The following PARM1 variants were observed in gnomAD, a reference collection of about 807,000 sequenced individuals.
The protein encoded by PARM1 is WSC4, cell wall integrity and stress response component 4 homolog.
In PARM1, 14 loss-of-function variants were observed where a neutral mutation model predicts 24.6. That is an observed-to-expected ratio of 0.57 (90% CI 0.38 to 0.89). The LOEUF (loss-of-function observed/expected upper bound fraction) is 0.89, where lower values mean the gene tolerates loss of function less well. PARM1 is among the 40% of genes least tolerant of loss of function. The pLI, the probability that PARM1 is intolerant of heterozygous loss-of-function variation, is 0.00. For missense variants in PARM1, 362 were observed against 380.4 expected (o/e 0.95, Z 0.40); for synonymous variants, 179 against 156.6 (o/e 1.14, Z -1.07).
intron 2 of PARM1, among the ~76,000 whole-genome samples, chr4:75,019,161 G>T (rs1723042049): frequency 6.6e-6 from 1 of 152,122 alleles, no homozygotes; most frequent in South Asian, 2.1e-4. Context: ...TGTTAAATTT[G>T]GGTCATTTTG....
chr4:74,941,048 A>G (rs1025577046), intron 1 of PARM1, among the ~76,000 whole-genome samples: 5 of 152,316 alleles, frequency 3.3e-5, no homozygotes, highest in African/African-American at 1.2e-4. Flanking sequence ...GAGGCAAGTT[A>G]TTGGTAGATC....
At chr4:75,025,251 A>G (rs1723160997) in intron 2 of PARM1, among the ~76,000 whole-genome samples, 1 of 151,744 alleles carries the variant, frequency 6.6e-6, no homozygotes, top group African/African-American at 2.4e-5. Flanking sequence ...TTTCTGGCAC[A>G]CTCCTTTTGA....
intron 2 of PARM1, among the ~76,000 whole-genome samples, chr4:75,019,013 G>C (rs1352920758): frequency 1.3e-5 from 2 of 152,250 alleles, no homozygotes; most frequent in African/African-American, 4.8e-5. Context: ...TGGGTCCCAG[G>C]GGTAGAGCTG....
chr4:74,982,313 A>C (rs1722273154), intron 1 of PARM1, among the ~76,000 whole-genome samples: 1 of 152,162 alleles, frequency 6.6e-6, no homozygotes, highest in African/African-American at 2.4e-5. Flanking sequence ...GTGAAAGAGG[A>C]GGGAGAGCAT....
chr4:75,021,855 A>T (rs1723094563), intron 2 of PARM1, among the ~76,000 whole-genome samples: 1 of 151,998 alleles, frequency 6.6e-6, no homozygotes, highest in Non-Finnish European at 1.5e-5. Flanking sequence ...TATCTAATCC[A>T]CCATTGGTGG....
chr4:74,949,801 A>G (rs564786095), intron 1 of PARM1, among the ~76,000 whole-genome samples: 1 of 152,074 alleles, frequency 6.6e-6, no homozygotes, highest in Non-Finnish European at 1.5e-5. Context: ...GGTGGCATCA[A>G]ATAGAGGCAC....
At chr4:74,974,692 T>A (rs1384182485) in intron 1 of PARM1, among the ~76,000 whole-genome samples, 3 of 152,182 alleles carry the variant, frequency 2.0e-5, no homozygotes, top group Admixed American at 2.0e-4. Context: ...TGAACTGAAT[T>A]GTATTCCCTT....
At chr4:74,944,957 T>G (rs2109982134) in intron 1 of PARM1, among the ~76,000 whole-genome samples, 1 of 152,310 alleles carries the variant, frequency 6.6e-6, no homozygotes, top group South Asian at 2.1e-4. Context: ...AGGACTGTTT[T>G]TAATAAAAAT....
chr4:75,042,889 G>C (rs1478018683), intron 3 of PARM1, among the ~76,000 whole-genome samples: 2 of 148,472 alleles, frequency 1.3e-5, no homozygotes, highest in Non-Finnish European at 1.5e-5. Flanking sequence ...CATATCTCTT[G>C]TATATCTTTC....
intron 1 of PARM1, among the ~76,000 whole-genome samples, chr4:74,947,645 A>G (rs1452764272): frequency 6.6e-6 from 1 of 152,198 alleles, no homozygotes; most frequent in African/African-American, 2.4e-5. Context: ...ATACTATTTT[A>G]TTTATAGAAG....
chr4:74,978,152 A>G (rs1421938945), intron 1 of PARM1, among the ~76,000 whole-genome samples: 2 of 152,224 alleles, frequency 1.3e-5, no homozygotes, highest in Non-Finnish European at 2.9e-5. Flanking sequence ...AAATGCCCCC[A>G]ATTAAAAGAC....
intron 1 of PARM1, among the ~76,000 whole-genome samples, chr4:75,009,303 T>C (rs1459528247): frequency 2.0e-5 from 3 of 152,232 alleles, no homozygotes; most frequent in Admixed American, 6.5e-5. Context: ...CGGCCTTCCA[T>C]CAGCTCCTGA....
rs75470779 is a variant in PARM1, at chr4:74,960,110, G to A, written c.43+26740G>A. Among the ~76,000 whole-genome samples the A allele has an allele frequency of 8.3e-4, 126 of 152,298 alleles. 1 individual carries two copies. The highest frequency in any genetic ancestry group is 2.6e-3 in the African/African-American group (108 of 41,550). ...GCAGTTTGTAGGAGCCAGGGTGAGC[G>A]AAAAGAATCCTACAAAAACTGGAGA... On this transcript the variant is annotated intron_variant, in intron 1 of 3. Transcript: ENST00000307428.
Position 75,013,149 on chromosome 4 carries a change from A to G in PARM1, c.768A>G (p.Ser256=). The G allele has an allele frequency of 6.2e-7, 1 of 1,610,142 alleles. No homozygotes were observed. Among genetic ancestry groups the G allele is most frequent in the Non-Finnish European group, 8.5e-7 (1 of 1,178,116 alleles). ...AGGAAGTAGAACATGCATTAAGTTCAGGTGAGTCTCTATCCAGTCCACTAG... is the reference window on the plus strand; with the variant it reads ...AGGAAGTAGAACATGCATTAAGTTCGGGTGAGTCTCTATCCAGTCCACTAG... The part of the protein sequence containing the change: ...IMQEVEHALS[S]GSIAAITVTV... Residue 256 remains serine, a splice_region_variant and synonymous_variant, in exon 2 of 4, where the codon TCA becomes TCG. Transcript: ENST00000307428.
chr4:74,966,991 G>C (rs1232322925), intron 1 of PARM1: 1 of 152,170 alleles, frequency 6.6e-6, no homozygotes, highest in Non-Finnish European at 1.5e-5. Flanking sequence ...CTTTCTCAGA[G>C]CCAAAGCCCT....
chr4:74,986,404 T>C (rs894228106), intron 1 of PARM1, among the ~76,000 whole-genome samples: 1 of 152,228 alleles, frequency 6.6e-6, no homozygotes, highest in Non-Finnish European at 1.5e-5. Context: ...TCTTCATGAC[T>C]TAACCAGTCC....
intron 1 of PARM1, among the ~76,000 whole-genome samples, chr4:74,949,349 T>G (rs1005577420): frequency 4.6e-5 from 7 of 152,130 alleles, no homozygotes; most frequent in African/African-American, 1.7e-4. Context: ...GATGGAGTCT[T>G]GCTCTGTCAC....
intron 2 of PARM1, among the ~76,000 whole-genome samples, chr4:75,032,038 G>C (rs186216576): frequency 6.6e-6 from 1 of 152,254 alleles, no homozygotes; most frequent in African/African-American, 2.4e-5. Flanking sequence ...TTCTCTGCTT[G>C]ACCCAGTCTG....
At chr4:74,940,611 A>G (rs926504059) in intron 1 of PARM1, among the ~76,000 whole-genome samples, 2 of 152,154 alleles carry the variant, frequency 1.3e-5, no homozygotes, top group African/African-American at 4.8e-5. Context: ...GGATTTCAAC[A>G]TATGAATTTT....
Sources: allele counts gnomAD v4.1 joint callset (sites outside exome capture counted in the v4.1 genomes callset), GRCh38; gene constraint gnomAD v4.1.1; transcripts MANE v1.5; gene names NCBI Gene and HGNC (gene_info 2026-07-23, HGNC 2026-07-21).